The following LGI4 variants were observed in gnomAD, a reference collection of about 807,000 sequenced individuals.
LGI4 encodes the protein leucine-rich repeat LGI family member 4.
Under a neutral mutation model 48.3 loss-of-function variants are expected in LGI4, and 36 were observed. The observed-to-expected ratio is 0.75, with a 90% CI of 0.57 to 0.98. LGI4 has a LOEUF of 0.98. Ranked by LOEUF, LGI4 falls within the 50% of genes least tolerant of loss-of-function variation. LGI4 has a pLI of 0.00. For missense variants in LGI4, 701 were observed against 732.1 expected (o/e 0.96, Z 0.49); for synonymous variants, 355 against 331.6 (o/e 1.07, Z -0.77).
At position 35,131,546 on chromosome 19, in the gene LGI4, G is replaced by A. The variant is rs539883993; in HGVS notation, c.468C>T (p.Arg156=). The change falls in exon 6 of 9, where the codon CGC becomes CGT. Residue 156 remains arginine (R), a synonymous_variant. Coordinates refer to ENST00000310123, the MANE Select transcript of LGI4 (RefSeq NM_139284.3). ...GGCAGTCACACTGGAACGGGTTCCC[G>A]CGGAGGTCCCTGGGGCAAGAGGCCA... ...GLDTLTHVDL[R]GNPFQCDCRV... 12 of 1,550,596 alleles carry A rather than the reference G, an allele frequency of 7.7e-6. No individual in the cohort carries two copies. The highest frequency in any genetic ancestry group is 4.1e-5 in the African/African-American group (3 of 73,140).
At chr19:35,129,550 C>T (rs976950458) in intron 6 of LGI4, among the ~76,000 whole-genome samples, 1 of 152,128 alleles carries the variant, frequency 6.6e-6, no homozygotes, top group Non-Finnish European at 1.5e-5. Context: ...TAGGGCTATG[C>T]AGGACGTGCT....
chr19:35,131,266 G>T, intron 6 of LGI4, 120 bp downstream of exon 6: 1 of 1,260,674 alleles, frequency 7.9e-7, no homozygotes, highest in Non-Finnish European at 1.1e-6. Flanking sequence ...AGGCAGTGCT[G>T]CTTGCTCAGG....
rs1343373130 is a variant in LGI4 at position 35,126,508 on chromosome 19, G to A, written c.1061C>T (p.Pro354Leu). 1.2e-5 allele frequency: 18 copies of A among 1,551,330 alleles called. No individual in the cohort carries two copies. The highest frequency in any genetic ancestry group is 1.6e-5 in the Non-Finnish European group (18 of 1,153,038). ...GTGCCAGGCGTGCAGGCTCTGGTGC[G>A]GGTAAAAGCCGGGCCCGTCGCGGCA... ...LLCRDGPGFY[P>L]HQSLHAWHRD... The change falls in exon 8 of 9, where the codon CCG becomes CTG. Residue 354 changes from proline (P) to leucine (L), a missense_variant. Coordinates refer to ENST00000310123, the MANE Select transcript of LGI4 (RefSeq NM_139284.3).
At chr19:35,128,961 C>T (rs2065157817) in intron 6 of LGI4, among the ~76,000 whole-genome samples, 1 of 152,176 alleles carries the variant, frequency 6.6e-6, no homozygotes, top group Non-Finnish European at 1.5e-5. Context: ...GACCTAACAT[C>T]CCCACTTGAG....
intron 8 of LGI4, 134 bp downstream of exon 8, chr19:35,126,136 G>T: frequency 1.0e-6 from 1 of 986,532 alleles, no homozygotes; most frequent in Non-Finnish European, 1.5e-6. Flanking sequence ...GGGGGTCAGA[G>T]TCTTGGCATC....
rs1600465984 is a variant in LGI4 at position 35,124,918 on chromosome 19, C to A, written c.*275G>T. ...ATGCAGTGCACCAGCCTGCACCCCC[C>A]AGGTTGCCTTTGATGGGGAATCTGC... is the stretch of plus-strand genomic sequence containing the variant. On this transcript the variant is annotated 3_prime_UTR_variant, in exon 9 of 9. Transcript: ENST00000310123. 2 of 332,352 alleles carry A rather than the reference C, an allele frequency of 6.0e-6. No homozygotes were observed. Among genetic ancestry groups the A allele is most frequent in the East Asian group, 9.3e-5 (2 of 21,482 alleles). The allele number at this position is 332,352 out of a possible 1,614,324, so 20.6% of individuals were successfully genotyped here.
At chr19:35,131,748 A>G (rs1335264668) in intron 5 of LGI4, 41 bp downstream of exon 5, 4 of 1,488,356 alleles carry the variant, frequency 2.7e-6, no homozygotes, top group Non-Finnish European at 1.8e-6. Flanking sequence ...CGACACAAAC[A>G]TTCCCCAACC....
chr19:35,131,918 G>T lies in LGI4; in HGVS notation c.386+53C>A, dbSNP rs2306996. The T allele has an allele frequency of 1.3e-4, 203 of 1,567,570 alleles. 2 individuals carry two copies. The East Asian group carries it at 4.0e-3, about 31-fold the overall frequency. On this transcript the variant is annotated intron_variant, in intron 4 of 8. Transcript: ENST00000310123. ...CACAAGGATACCCTGTGTTCCCTGGGGGGTGGAGCATGGGTGCCTCTCATG... is the reference window on the plus strand; with the variant it reads ...CACAAGGATACCCTGTGTTCCCTGGTGGGTGGAGCATGGGTGCCTCTCATG...
chr19:35,129,730 C>T (rs531546363), intron 6 of LGI4, among the ~76,000 whole-genome samples: 8 of 152,152 alleles, frequency 5.3e-5, no homozygotes, highest in South Asian at 2.1e-4. Flanking sequence ...GATATGGCCT[C>T]GTGGGAAGGG....
intron 8 of LGI4, chr19:35,125,915 C>T: frequency 1.9e-6 from 1 of 524,812 alleles, no homozygotes; most frequent in Admixed American, 2.5e-5. Context: ...CAGAACCCTC[C>T]CCTGCCTGCA....
intron 2 of LGI4, 82 bp from the exon 3 acceptor site, chr19:35,133,846 A>T (rs769867607): frequency 1.1e-4 from 159 of 1,467,142 alleles, no homozygotes; most frequent in Middle Eastern, 9.1e-4. Flanking sequence ...CCCTCAGCCT[A>T]GGTGGGCATG....
Position 35,125,045 on chromosome 19 carries a change from A to G in LGI4, c.*148T>C. The G allele has an allele frequency of 1.7e-6, 1 of 598,632 alleles. No individual in the cohort carries two copies. Among genetic ancestry groups the G allele is most frequent in the Non-Finnish European group, 2.7e-6 (1 of 371,252 alleles). 37.1% of individuals were successfully genotyped at this position (598,632 alleles called of 1,614,324 possible). ...TCCCCCCATGGGTGCAGATCCTTTA[A>G]GAAGTGGGCTTAAGGCCTAGACGTG... On this transcript the variant is annotated 3_prime_UTR_variant, in exon 9 of 9. Coordinates refer to ENST00000310123, the MANE Select transcript of LGI4 (RefSeq NM_139284.3).
chr19:35,134,287 C>T (rs2065194604), intron 1 of LGI4, among the ~76,000 whole-genome samples, 183 bp from the exon 2 acceptor site: 1 of 152,248 alleles, frequency 6.6e-6, no homozygotes, highest in African/African-American at 2.4e-5. Context: ...CAGCACTCAA[C>T]CCTCCTCCTG....
In LGI4 at chr19:35,131,953, G is replaced by A. The variant is rs1464524167; in HGVS notation, c.386+18C>T. 4 of 1,583,150 alleles carry A rather than the reference G, an allele frequency of 2.5e-6. No homozygotes were observed. The highest frequency in any genetic ancestry group is 2.6e-6 in the Non-Finnish European group (3 of 1,164,112). On this transcript the variant is annotated intron_variant, in intron 4 of 8. Coordinates refer to ENST00000310123, the MANE Select transcript of LGI4 (RefSeq NM_139284.3). ...ATGGGTGCCTCTCATGGAGGGCTGG[G>A]GCGGTGGAGGCACGCACAGGTGTGT...
intron 8 of LGI4, chr19:35,125,767 C>T (rs989954644): frequency 9.0e-6 from 6 of 664,288 alleles, no homozygotes; most frequent in African/African-American, 3.5e-5. Flanking sequence ...CCACCTCTGG[C>T]TGAACTCCAT....
chr19:35,127,041 G>A, intron 6 of LGI4, 24 bp from the exon 7 acceptor site: 1 of 1,555,716 alleles, frequency 6.4e-7, no homozygotes, highest in Non-Finnish European at 8.7e-7. Context: ...AGAGAGTCAG[G>A]CAGGCCCCAG....
At chr19:35,134,370 G>T in intron 1 of LGI4, 141 bp downstream of exon 1, 1 of 889,012 alleles carries the variant, frequency 1.1e-6, no homozygotes, top group Non-Finnish European at 1.7e-6. Context: ...CCTCTTCAAG[G>T]CATCCCGACA....
chr19:35,125,056 TA>T lies in LGI4; in HGVS notation c.*136del. 3.0e-6 allele frequency: 2 copies of T among 660,872 alleles called. No individual in the cohort carries two copies. Among genetic ancestry groups the T allele is most frequent in the Non-Finnish European group, 4.7e-6 (2 of 421,838 alleles). 40.9% of individuals were successfully genotyped at this position (660,872 alleles called of 1,614,324 possible). On this transcript the variant is annotated 3_prime_UTR_variant, in exon 9 of 9. Coordinates refer to ENST00000310123, the MANE Select transcript of LGI4 (RefSeq NM_139284.3). The stretch of plus-strand genomic sequence containing the variant: ...GTGCAGATCCTTTAAGAAGTGGGCT[TA>T]AGGCCTAGACGTGTGGCTGATGAAC...
chr19:35,134,170 C>T, intron 1 of LGI4, 66 bp from the exon 2 acceptor site: 1 of 1,429,232 alleles, frequency 7.0e-7, no homozygotes, highest in South Asian at 1.2e-5. Context: ...AAACCAGAAC[C>T]TTCTGCCATC....
Sources: allele counts gnomAD v4.1 joint callset (sites outside exome capture counted in the v4.1 genomes callset), GRCh38; gene constraint gnomAD v4.1.1; transcripts MANE v1.5; gene names NCBI Gene and HGNC (gene_info 2026-07-23, HGNC 2026-07-21).